YEATS2: variants seen among roughly 807,000 people sequenced by gnomAD.
YEATS2 encodes YEATS domain-containing protein 2.
A neutral mutation model predicts 163.2 loss-of-function variants in YEATS2; 77 were observed. The ratio of observed to expected loss-of-function variants is 0.47; its 90% CI spans 0.39 to 0.57. The LOEUF (loss-of-function observed/expected upper bound fraction) is 0.57. Ranked by LOEUF, YEATS2 falls within the 20% of genes least tolerant of loss-of-function variation. The pLI is 0.00. For synonymous variants in YEATS2, 631 were observed against 645.1 expected (o/e 0.98, Z 0.33); for missense variants, 1,549 against 1,729.8 (o/e 0.90, Z 1.85).
At chr3:183,725,351 G>A (rs191567965) in intron 6 of YEATS2, among the ~76,000 whole-genome samples, 174 of 152,242 alleles carry the variant, frequency 1.1e-3, no homozygotes, top group Middle Eastern at 3.4e-3. Context: ...CCCTCAGCTC[G>A]AATGTTCAAA....
chr3:183,775,768 A>G, intron 17 of YEATS2, 147 bp from the exon 18 acceptor site: 1 of 1,151,316 alleles, frequency 8.7e-7, no homozygotes, highest in Non-Finnish European at 1.3e-6. Context: ...GTCACAGGGT[A>G]GGTAGATTAC....
At chr3:183,739,254 C>G (rs975001508) in intron 8 of YEATS2, among the ~76,000 whole-genome samples, 1 of 151,748 alleles carries the variant, frequency 6.6e-6, no homozygotes, top group Non-Finnish European at 1.5e-5. Context: ...TAAGCAACTT[C>G]AGCAAAGTCT....
chr3:183,802,535 G>GTGTA (rs1553884509), intron 25 of YEATS2: 1 of 142,222 alleles, frequency 7.0e-6, no homozygotes, highest in Non-Finnish European at 1.5e-5. Flanking sequence ...ATATACACGT[G>GTGTA]TATATACACA....
chr3:183,798,009 A>G lies in YEATS2; in HGVS notation c.3184A>G (p.Thr1062Ala), dbSNP rs199537325. Residue 1062 changes from threonine (T) to alanine (A), a missense_variant, in exon 22 of 31, where the codon ACA becomes GCA. Transcript: ENST00000305135. Reference sequence around the variant, plus strand: ...CCAGCTCAAACCACTCAGCGTAAACACATCTGGAGGGGTGCAGACGATCCT... The same window carrying G: ...CCAGCTCAAACCACTCAGCGTAAACGCATCTGGAGGGGTGCAGACGATCCT... The part of the protein sequence containing the change: ...PSQLKPLSVN[T>A]SGGVQTILMP... 6 of 1,614,148 alleles carry G rather than the reference A, an allele frequency of 3.7e-6. No homozygotes were observed. The Admixed American group carries it at 1.0e-4, about 27-fold the overall frequency.
intron 6 of YEATS2, among the ~76,000 whole-genome samples, chr3:183,727,744 G>A (rs1231448388): frequency 6.6e-6 from 1 of 152,168 alleles, no homozygotes; most frequent in Non-Finnish European, 1.5e-5. Context: ...GGGTTTAAGG[G>A]AAATGGCACG....
At chr3:183,802,966 C>G in intron 25 of YEATS2, 1 of 336,256 alleles carries the variant, frequency 3.0e-6, no homozygotes, top group Non-Finnish European at 5.5e-6. Flanking sequence ...GGGTCCAGGG[C>G]TCCTAGTGGA....
At chr3:183,796,250 A>C (rs1184781598) in intron 21 of YEATS2, among the ~76,000 whole-genome samples, 1 of 147,874 alleles carries the variant, frequency 6.8e-6, no homozygotes, top group African/African-American at 2.5e-5. Context: ...CACCTGCCTC[A>C]GCCTCCCAAA....
chr3:183,733,962 C>T (rs1718077522), intron 7 of YEATS2, among the ~76,000 whole-genome samples: 1 of 152,134 alleles, frequency 6.6e-6, no homozygotes, highest in Non-Finnish European at 1.5e-5. Flanking sequence ...AAAGGTCTTC[C>T]TGCCCTTGGT....
At chr3:183,806,667 C>T in intron 27 of YEATS2, 199 bp from the exon 28 acceptor site, 1 of 595,574 alleles carries the variant, frequency 1.7e-6, no homozygotes, top group South Asian at 2.0e-5. Flanking sequence ...AGATCACACA[C>T]AAGATGCCTG....
rs191687985 is a variant in YEATS2 at position 183,704,107 on chromosome 3, C to A, written c.-20+6114C>A. Among the ~76,000 whole-genome samples the A allele has an allele frequency of 5.9e-5, 9 of 151,270 alleles. No individual in the cohort carries two copies. The East Asian group carries it at 1.6e-3, about 26-fold the overall frequency. ...CAGAGGTTGCAGTGAGCCGATATTGCGCCACTGCAATCCAGCTTGGGCAAC... is the reference window on the plus strand; with the variant it reads ...CAGAGGTTGCAGTGAGCCGATATTGAGCCACTGCAATCCAGCTTGGGCAAC... On this transcript the variant is annotated intron_variant, in intron 1 of 30. Coordinates refer to ENST00000305135, the MANE Select transcript of YEATS2 (RefSeq NM_018023.5).
chr3:183,724,131 A>G (rs1330798389), intron 5 of YEATS2, among the ~76,000 whole-genome samples: 5 of 152,160 alleles, frequency 3.3e-5, no homozygotes, highest in African/African-American at 1.2e-4. Context: ...AGAAGTAACC[A>G]CTGTAATAGT....
At chr3:183,727,024 C>T (rs1187168171) in intron 6 of YEATS2, among the ~76,000 whole-genome samples, 1 of 151,994 alleles carries the variant, frequency 6.6e-6, no homozygotes, top group African/African-American at 2.4e-5. Flanking sequence ...TGGTCTTGAA[C>T]TCATGAATTT....
chr3:183,773,909 G>A, intron 17 of YEATS2, 115 bp downstream of exon 17: 1 of 1,268,414 alleles, frequency 7.9e-7, no homozygotes, highest in Non-Finnish European at 1.1e-6. Flanking sequence ...AACTCTGTTG[G>A]GTGGTGTAAT....
intron 7 of YEATS2, among the ~76,000 whole-genome samples, chr3:183,735,322 C>T (rs1162668127): frequency 6.6e-6 from 1 of 152,204 alleles, no homozygotes; most frequent in Non-Finnish European, 1.5e-5. Flanking sequence ...CTAGGCTCCA[C>T]TGTATCTCTG....
At chr3:183,730,052 GTTTTTTTTTTTTT>G (rs869091775) in intron 7 of YEATS2, among the ~76,000 whole-genome samples, 485 of 41,628 alleles carry the variant, frequency 0.012, 1 homozygote, top group African/African-American at 0.038. Context: ...TTTTTTGTTT[GTTTTTTTTTTTTT>G]TTTTTTTTTT....
At chr3:183,808,331 G>A (rs549788297) in intron 29 of YEATS2, among the ~76,000 whole-genome samples, 1 of 152,024 alleles carries the variant, frequency 6.6e-6, no homozygotes, top group Non-Finnish European at 1.5e-5. Flanking sequence ...CTCCTAAGAC[G>A]TATTCTGGGG....
chr3:183,728,648 A>G (rs1184316663), intron 6 of YEATS2, 42 bp from the exon 7 acceptor site: 2 of 1,486,750 alleles, frequency 1.3e-6, no homozygotes, highest in Non-Finnish European at 1.8e-6. Flanking sequence ...TAGGTTTTTG[A>G]AGGACGAAAA....
At chr3:183,768,000 A>G (rs1405484177) in intron 15 of YEATS2, among the ~76,000 whole-genome samples, 1 of 152,244 alleles carries the variant, frequency 6.6e-6, no homozygotes, top group African/African-American at 2.4e-5. Context: ...TTAGGAACAT[A>G]AAAGTAGATT....
At position 183,753,984 on chromosome 3, in the gene YEATS2, A is replaced by G; in HGVS notation, c.1151-142A>G. The G allele has an allele frequency of 6.6e-6, 7 of 1,053,130 alleles. 1 individual carries two copies. The South Asian group carries it at 1.8e-4, about 28-fold the overall frequency. The allele number at this position is 1,053,130 out of a possible 1,614,324, so 65.2% of individuals were successfully genotyped here. A position where few individuals can be genotyped will look rare whatever the true frequency, so the allele number is the denominator to read the frequency against. ...TATTTTTCACCAAAAATATGAAGGGATGATTGATTGTATTTATTTTGCTAC... is the reference window on the plus strand; with the variant it reads ...TATTTTTCACCAAAAATATGAAGGGGTGATTGATTGTATTTATTTTGCTAC... On this transcript the variant is annotated intron_variant, in intron 10 of 30. Coordinates refer to ENST00000305135, the MANE Select transcript of YEATS2 (RefSeq NM_018023.5).
Sources: gnomAD v4.1 joint callset for allele counts (sites outside exome capture counted in the v4.1 genomes callset) on GRCh38, gnomAD v4.1.1 for gene constraint, MANE v1.5 for transcripts, NCBI Gene and HGNC (gene_info 2026-07-23, HGNC 2026-07-21) for gene names.